The following NLRP12 variants were observed in gnomAD, a reference collection of about 807,000 sequenced individuals.
The protein encoded by NLRP12 is NLR family pyrin domain containing 12.
Under a neutral mutation model 91.2 loss-of-function variants are expected in NLRP12, and 108 were observed. The ratio of observed to expected loss-of-function variants is 1.18; its 90% CI spans 1.01 to 1.39. The LOEUF (loss-of-function observed/expected upper bound fraction) is 1.39, where lower values mean the gene tolerates loss of function less well. Ranked by LOEUF, NLRP12 falls within the 40% of genes most tolerant of loss-of-function variation. The pLI, the probability that NLRP12 is intolerant of heterozygous loss-of-function variation, is 0.00. For synonymous variants in NLRP12, 613 were observed against 566.7 expected, an observed-to-expected ratio of 1.08 and a Z score of -1.16; for missense variants, 1,530 against 1,352.7, an observed-to-expected ratio of 1.13 and a Z score of -2.06.
chr19:53,811,430 C>G (rs2092074894), intron 2 of NLRP12, 142 bp from the exon 3 acceptor site: 4 of 935,128 alleles, frequency 4.3e-6, no homozygotes, highest in Admixed American at 3.9e-5. Flanking sequence ...GGGAGAATCA[C>G]TTGAACCCCT....
rs771953294 is a variant in NLRP12, at chr19:53,798,267, G to T, written c.2903C>A (p.Pro968His). ...CCACAGTTTCTGGAGTCTGCAGGCG[G>T]GATGTTGCAGCCCCTCAGCCAGCAA... ...LWLLAEGLQHPACRLQKLWLD... is the reference protein window; with the variant it reads ...LWLLAEGLQHHACRLQKLWLD... The change falls in exon 8 of 10, where the codon CCC (proline) becomes CAC (histidine). Residue 968 changes from proline (P) to histidine (H), a missense_variant. Pro to His is a moderately conservative substitution (Grantham distance 77, BLOSUM62 -2). Transcript: ENST00000324134. 6.2e-7 allele frequency: 1 copy of T among 1,614,210 alleles called. No individual in the cohort carries two copies. Among genetic ancestry groups the T allele is most frequent in the Non-Finnish European group, 8.5e-7 (1 of 1,180,056 alleles).
chr19:53,809,779 T>C lies in NLRP12; in HGVS notation c.1880A>G (p.Gln627Arg). Residue 627 changes from glutamine to arginine, a missense_variant, in exon 3 of 10, where the codon CAG becomes CGG. Coordinates refer to ENST00000324134, the MANE Select transcript of NLRP12 (RefSeq NM_144687.4). ...CACCTGGAAGTGGCTCAGGGCCTGC[T>C]GGATAAACTCCTCCTCCTGGATCTC... ...LYEIQEEEFI[Q>R]QALSHFQVIV... is the part of the protein sequence containing the mutation. 6.2e-7 allele frequency: 1 copy of C among 1,614,068 alleles called. No individual in the cohort carries two copies. Among genetic ancestry groups the C allele is most frequent in the Non-Finnish European group, 8.5e-7 (1 of 1,180,006 alleles).
Position 53,798,425 on chromosome 19 carries a change from G to A in NLRP12, c.2757-12C>T, listed in dbSNP as rs756954179. Reference sequence around the variant, plus strand: ...GGCAGATGCCCAACCTGCAAAGACAGGATGCTAGGGCGGAGTGGGAGGCAT... The same window carrying A: ...GGCAGATGCCCAACCTGCAAAGACAAGATGCTAGGGCGGAGTGGGAGGCAT... On this transcript the variant is annotated splice_polypyrimidine_tract_variant and intron_variant, in intron 7 of 9. Transcript: ENST00000324134. 6.8e-6 allele frequency: 11 copies of A among 1,612,824 alleles called. No homozygotes were observed. The highest frequency in any genetic ancestry group is 1.6e-4 in the Middle Eastern group (1 of 6,072).
chr19:53,793,847 A>G lies in NLRP12; in HGVS notation c.*202T>C, dbSNP rs2091695657. The G allele has an allele frequency of 3.1e-6, 2 of 650,434 alleles. No individual in the cohort carries two copies. Among genetic ancestry groups the G allele is most frequent in the Non-Finnish European group, 5.6e-6 (2 of 357,940 alleles). 40.3% of individuals were successfully genotyped at this position (650,434 alleles called of 1,614,324 possible). On this transcript the variant is annotated 3_prime_UTR_variant, in exon 10 of 10. Transcript: ENST00000324134. ...TGATCCACCTGCCTCGGCCTCTCGAAGTGCTAGGATTACATACATGAGCCA... is the reference window on the plus strand; with the variant it reads ...TGATCCACCTGCCTCGGCCTCTCGAGGTGCTAGGATTACATACATGAGCCA...
intron 1 of NLRP12, among the ~76,000 whole-genome samples, chr19:53,821,621 T>C (rs1177814532): frequency 3.3e-5 from 5 of 151,986 alleles, no homozygotes; most frequent in African/African-American, 1.2e-4. Context: ...TGAGCTGAGA[T>C]TGCGCCACTG....
chr19:53,794,089 G>A lies in NLRP12; in HGVS notation c.3146C>T (p.Ala1049Val), dbSNP rs146786265. 1.8e-4 allele frequency: 285 copies of A among 1,613,894 alleles called. 1 individual carries two copies. In the East Asian group the frequency reaches 5.9e-3, roughly 33 times the overall value. ...CAAATAAGGTTTTGTTACTCGAAGC[G>A]CTGCCAACCTACTGTGGGTCATTTT... Reference protein sequence around the residue: ...LNKMTHSRLAALRVTKPYLDI... With the variant: ...LNKMTHSRLAVLRVTKPYLDI... Residue 1049 changes from alanine to valine, a missense_variant, in exon 10 of 10, where the codon GCG (alanine) becomes GTG (valine). Coordinates refer to ENST00000324134, the MANE Select transcript of NLRP12 (RefSeq NM_144687.4).
chr19:53,801,155 T>C, intron 7 of NLRP12, 72 bp downstream of exon 7: 1 of 1,352,524 alleles, frequency 7.4e-7, no homozygotes, highest in Non-Finnish European at 1.1e-6. Flanking sequence ...CAACCTGGCC[T>C]CCGTGGTCCC....
In NLRP12 at chr19:53,809,944, C is replaced by T. The variant is rs201548420; in HGVS notation, c.1715G>A (p.Arg572Lys). Residue 572 changes from arginine to lysine, a missense_variant, in exon 3 of 10, where the codon AGG becomes AAG. By Grantham distance (26) the Arg-to-Lys change is conservative (BLOSUM62 2). Coordinates refer to ENST00000324134, the MANE Select transcript of NLRP12 (RefSeq NM_144687.4). ...GCAGAGACTCTTCTCCAGGTGGCTC[C>T]TGGTCTCCTCGTTCAGGAGTCCAAA... Reference protein sequence around the residue: ...FLFGLLNEETRSHLEKSLCWK... With the variant: ...FLFGLLNEETKSHLEKSLCWK... 1.2e-6 allele frequency: 2 copies of T among 1,614,158 alleles called. No homozygotes were observed. Among genetic ancestry groups the T allele is most frequent in the African/African-American group, 1.3e-5 (1 of 75,056 alleles).
At chr19:53,794,220 G>A (rs543499058) in intron 9 of NLRP12, 84 bp from the exon 10 acceptor site, 18 of 925,072 alleles carry the variant, frequency 1.9e-5, no homozygotes, top group East Asian at 1.2e-4. Flanking sequence ...GTGCACTACC[G>A]TGGTAAGATA....
At position 53,824,024 on chromosome 19, in the gene NLRP12, C is replaced by T; in HGVS notation, c.151G>A (p.Ala51Thr). The T allele has an allele frequency of 6.2e-7, 1 of 1,614,214 alleles. No homozygotes were observed. Among genetic ancestry groups the T allele is most frequent in the Non-Finnish European group, 8.5e-7 (1 of 1,180,054 alleles). Residue 51 changes from alanine (A) to threonine (T), a missense_variant, in exon 1 of 10, where the codon GCC (alanine) becomes ACC (threonine). Physicochemically the swap from Ala to Thr is moderately conservative, Grantham distance 58. Coordinates refer to ENST00000324134, the MANE Select transcript of NLRP12 (RefSeq NM_144687.4). ...AGCTGGGCCATTTCCAGGGGACCGG[C>T]CTTCTCCATGCTTCCCCAGGGGATC... ...GKIPWGSMEK[A>T]GPLEMAQLLI...
At chr19:53,804,969 G>A (rs962168819) in intron 5 of NLRP12, among the ~76,000 whole-genome samples, 1 of 152,098 alleles carries the variant, frequency 6.6e-6, no homozygotes, top group South Asian at 2.1e-4. Flanking sequence ...AGTGGGGGTT[G>A]CAGTGAGCCG....
chr19:53,821,262 T>C (rs2092261882), intron 1 of NLRP12, among the ~76,000 whole-genome samples: 1 of 151,858 alleles, frequency 6.6e-6, no homozygotes, highest in Non-Finnish European at 1.5e-5. Context: ...GGTCTCGAAC[T>C]CCTGACCTCA....
At chr19:53,799,956 G>C (rs2091839482) in intron 7 of NLRP12, among the ~76,000 whole-genome samples, 1 of 152,070 alleles carries the variant, frequency 6.6e-6, no homozygotes, top group Admixed American at 6.6e-5. Context: ...CTAAGGCCAG[G>C]AGTTTGACAC....
At chr19:53,799,657 A>G (rs2091834845) in intron 7 of NLRP12, among the ~76,000 whole-genome samples, 1 of 151,740 alleles carries the variant, frequency 6.6e-6, no homozygotes, top group African/African-American at 2.4e-5. Flanking sequence ...TAATTTTTAT[A>G]TTTTTAGTAG....
Position 53,810,792 on chromosome 19 carries a change from G to T in NLRP12, c.867C>A (p.Leu289=). 1 of 1,614,128 alleles carries T rather than the reference G, an allele frequency of 6.2e-7. No homozygotes were observed. Among genetic ancestry groups the T allele is most frequent in the Non-Finnish European group, 8.5e-7 (1 of 1,180,036 alleles). The change falls in exon 3 of 10, where the codon CTC becomes CTA. Residue 289 remains leucine (L), a synonymous_variant. Coordinates refer to ENST00000324134, the MANE Select transcript of NLRP12 (RefSeq NM_144687.4). Reference sequence around the variant, plus strand: ...CATCGAAGCCGTCGATGATGAAAAGGAGGCGCTCGGGAACTCGGATGAGCT... The same window carrying T: ...CATCGAAGCCGTCGATGATGAAAAGTAGGCGCTCGGGAACTCGGATGAGCT... ...LQELIRVPER[L]LFIIDGFDEL...
intron 1 of NLRP12, among the ~76,000 whole-genome samples, chr19:53,823,390 T>G (rs2092289889): frequency 7.8e-6 from 1 of 128,062 alleles, no homozygotes; most frequent in African/African-American, 2.9e-5. Flanking sequence ...TATATACATA[T>G]TTTAAATATA....
chr19:53,819,518 T>C (rs181586080), intron 1 of NLRP12, among the ~76,000 whole-genome samples: 1 of 102,872 alleles, frequency 9.7e-6, no homozygotes, highest in Non-Finnish European at 2.0e-5. Flanking sequence ...TATACATATG[T>C]GTATATATGT....
chr19:53,805,296 T>G lies in NLRP12; in HGVS notation c.2398A>C (p.Arg800=). ...LCEGLRHPQC[R]LQMIQLRKCQ... is the part of the protein sequence containing the mutation. The stretch of plus-strand genomic sequence containing the variant: ...GAGACTCACTGAATCATCTGCAGCC[T>G]GCACTGGGGATGCCGCAGGCCCTCG... Residue 800 remains arginine (R), a synonymous_variant, in exon 5 of 10, where the codon AGG becomes CGG. Transcript: ENST00000324134. The G allele has an allele frequency of 6.2e-7, 1 of 1,614,036 alleles. No individual in the cohort carries two copies. Among genetic ancestry groups the G allele is most frequent in the Non-Finnish European group, 8.5e-7 (1 of 1,179,966 alleles).
At chr19:53,795,107 CGTGTGT>C (rs56027837) in intron 9 of NLRP12, among the ~76,000 whole-genome samples, 186 of 85,492 alleles carry the variant, frequency 2.2e-3, no homozygotes, top group Admixed American at 6.3e-3. Flanking sequence ...CTGGTGTGTG[CGTGTGT>C]GTGTGTGTGT....
Sources: gnomAD v4.1 joint callset for allele counts (sites outside exome capture counted in the v4.1 genomes callset) on GRCh38, gnomAD v4.1.1 for gene constraint, MANE v1.5 for transcripts, NCBI Gene and HGNC (gene_info 2026-07-23, HGNC 2026-07-21) for gene names.